The following HS6ST3 variants were observed in gnomAD, a reference collection of about 807,000 sequenced individuals.
HS6ST3 encodes the protein heparan-sulfate 6-O-sulfotransferase 3.
In HS6ST3, 12 loss-of-function variants were observed where a neutral mutation model predicts 36.7. The ratio of observed to expected loss-of-function variants is 0.33; its 90% CI spans 0.21 to 0.53. The LOEUF (loss-of-function observed/expected upper bound fraction) is 0.53, where lower values mean the gene tolerates loss of function less well. HS6ST3 is among the 20% of genes least tolerant of loss of function. The probability of loss-of-function intolerance (pLI) is 0.95; values close to 1 mark genes in which losing one functional copy is unlikely to be tolerated. For synonymous variants in HS6ST3, 240 were observed against 257.5 expected, an observed-to-expected ratio of 0.93 and a Z score of 0.65; for missense variants, 584 against 640.9, an observed-to-expected ratio of 0.91 and a Z score of 0.96.
chr13:96,437,096 C>T (rs969439642), intron 1 of HS6ST3, among the ~76,000 whole-genome samples: 1 of 152,130 alleles, frequency 6.6e-6, no homozygotes, highest in Non-Finnish European at 1.5e-5. Flanking sequence ...TCACATAACA[C>T]AAGTCACCAT....
chr13:96,189,107 A>T (rs2054277692), intron 1 of HS6ST3, among the ~76,000 whole-genome samples: 2 of 152,142 alleles, frequency 1.3e-5, no homozygotes, highest in South Asian at 4.1e-4. Flanking sequence ...AAATTTCATG[A>T]CTTGATTAAA....
intron 1 of HS6ST3, among the ~76,000 whole-genome samples, chr13:96,453,509 A>G (rs771533014): frequency 2.6e-5 from 4 of 152,236 alleles, no homozygotes; most frequent in Admixed American, 6.5e-5. Flanking sequence ...TAAGATGTGC[A>G]GAAACACCGT....
intron 1 of HS6ST3, among the ~76,000 whole-genome samples, chr13:96,720,618 A>G (rs946432737): frequency 6.6e-6 from 1 of 152,188 alleles, no homozygotes; most frequent in Admixed American, 6.6e-5. Flanking sequence ...TAGGCTCCTG[A>G]TAACGCATTT....
At chr13:96,551,369 G>C (rs2056218859) in intron 1 of HS6ST3, among the ~76,000 whole-genome samples, 1 of 152,096 alleles carries the variant, frequency 6.6e-6, no homozygotes, top group Non-Finnish European at 1.5e-5. Context: ...TAGGTGCAAG[G>C]GTTGGTGAGC....
chr13:96,278,992 C>G (rs1369846677), intron 1 of HS6ST3, among the ~76,000 whole-genome samples: 1 of 152,044 alleles, frequency 6.6e-6, no homozygotes, highest in Non-Finnish European at 1.5e-5. Context: ...TGTGTCAGCC[C>G]TCATGGAGGC....
chr13:96,420,681 A>C (rs572754436), intron 1 of HS6ST3, among the ~76,000 whole-genome samples: 1 of 152,302 alleles, frequency 6.6e-6, no homozygotes, highest in East Asian at 1.9e-4. Flanking sequence ...TGTTATGTGC[A>C]TTGATATGAT....
chr13:96,732,938 G>C (rs1391921082), intron 1 of HS6ST3, among the ~76,000 whole-genome samples: 1 of 152,070 alleles, frequency 6.6e-6, no homozygotes, highest in Non-Finnish European at 1.5e-5. Flanking sequence ...TTTTCAGATA[G>C]TTTGCTGTTA....
At chr13:96,548,706 C>T (rs1034223005) in intron 1 of HS6ST3, among the ~76,000 whole-genome samples, 2 of 152,158 alleles carry the variant, frequency 1.3e-5, no homozygotes, top group African/African-American at 4.8e-5. Flanking sequence ...ATCTGCAGGT[C>T]GTGGACTGCT....
chr13:96,781,196 C>T (rs1461994550), intron 1 of HS6ST3, among the ~76,000 whole-genome samples: 2 of 152,182 alleles, frequency 1.3e-5, no homozygotes, highest in African/African-American at 4.8e-5. Context: ...TTGGAATTTT[C>T]CTATTCCATG....
At chr13:96,331,212 G>A (rs1331073151) in intron 1 of HS6ST3, among the ~76,000 whole-genome samples, 5 of 152,124 alleles carry the variant, frequency 3.3e-5, no homozygotes, top group East Asian at 1.9e-4. Flanking sequence ...GCTTTGTTCC[G>A]TTGCTGGTGA....
chr13:96,479,277 G>C (rs1021267066), intron 1 of HS6ST3, among the ~76,000 whole-genome samples: 30 of 152,230 alleles, frequency 2.0e-4, no homozygotes, highest in Non-Finnish European at 2.2e-4. Flanking sequence ...AGATGGAACA[G>C]TGAGGCTGTA....
chr13:96,543,952 G>GATATATATATATAT (rs10646361), intron 1 of HS6ST3, among the ~76,000 whole-genome samples: 2 of 145,808 alleles, frequency 1.4e-5, no homozygotes, highest in African/African-American at 5.0e-5. Context: ...ATGATGGGGA[G>GATATATATATATAT]ATATATATAT....
At position 96,668,854 on chromosome 13, in the gene HS6ST3, A is replaced by G. The variant is rs2056674007; in HGVS notation, c.708-163636A>G. On this transcript the variant is annotated intron_variant, in intron 1 of 1. Coordinates refer to ENST00000376705, the MANE Select transcript of HS6ST3 (RefSeq NM_153456.4). ...ATTAGTCTTACATTTACCCTTGAGG[A>G]TAAGAATTCTTGCTGATAAGAAGAG... 2.0e-5 allele frequency among the ~76,000 whole-genome samples: 3 copies of G among 151,490 alleles called. No homozygotes were observed. In the South Asian group the frequency reaches 6.2e-4, roughly 31 times the overall value.
chr13:96,664,214 ATGTGTGTATGTGCACCCATGCATGC>A (rs1464745921), intron 1 of HS6ST3, among the ~76,000 whole-genome samples: 3 of 152,196 alleles, frequency 2.0e-5, no homozygotes, highest in Admixed American at 2.0e-4. Flanking sequence ...AACATAGTGT[ATGTGTGTATGTGCACCCATGCATGC>A]TGTGTGTATG....
intron 1 of HS6ST3, among the ~76,000 whole-genome samples, chr13:96,503,855 C>T (rs1056322516): frequency 6.6e-6 from 1 of 152,180 alleles, no homozygotes; most frequent in African/African-American, 2.4e-5. Context: ...TTATTTCTCA[C>T]AGTTCTGGAG....
At chr13:96,143,645 G>T (rs2054042754) in intron 1 of HS6ST3, among the ~76,000 whole-genome samples, 1 of 151,878 alleles carries the variant, frequency 6.6e-6, no homozygotes. Flanking sequence ...CAAAAAAATA[G>T]ACTGTCCTAA....
At chr13:96,198,335 TC>T (rs1000130209) in intron 1 of HS6ST3, among the ~76,000 whole-genome samples, 6 of 152,178 alleles carry the variant, frequency 3.9e-5, no homozygotes, top group Non-Finnish European at 5.9e-5. Context: ...AGTCATTTCC[TC>T]CCTGATCTTC....
At chr13:96,107,625 TG>T (rs2053847601) in intron 1 of HS6ST3, among the ~76,000 whole-genome samples, 1 of 152,134 alleles carries the variant, frequency 6.6e-6, no homozygotes, top group Non-Finnish European at 1.5e-5. Flanking sequence ...TGCAGGACTG[TG>T]GGAAGTGTTG....
chr13:96,142,579 A>G (rs540617677), intron 1 of HS6ST3, among the ~76,000 whole-genome samples: 1 of 152,282 alleles, frequency 6.6e-6, no homozygotes, highest in African/African-American at 2.4e-5. Flanking sequence ...TATACTTTGT[A>G]TGATTGGAAG....
Sources: gnomAD v4.1 joint callset for allele counts (sites outside exome capture counted in the v4.1 genomes callset) on GRCh38, gnomAD v4.1.1 for gene constraint, MANE v1.5 for transcripts, NCBI Gene and HGNC (gene_info 2026-07-23, HGNC 2026-07-21) for gene names.